Variants in KCNIP4 observed in about 807,000 individuals in gnomAD.
KCNIP4 encodes Kv channel-interacting protein 4.
KCNIP4 carries 12 observed loss-of-function variants against 34.0 expected under a neutral mutation model. That is an observed-to-expected ratio of 0.35 (90% CI 0.23 to 0.57). KCNIP4 has a LOEUF of 0.57. Among genes scored for constraint, KCNIP4 ranks in the 20% least tolerant of loss-of-function variants. The probability of loss-of-function intolerance (pLI) is 0.83; values close to 1 mark genes in which losing one functional copy is unlikely to be tolerated. For synonymous variants in KCNIP4, 124 were observed against 102.2 expected, an observed-to-expected ratio of 1.21 and a Z score of -1.29; for missense variants, 238 against 311.7, an observed-to-expected ratio of 0.76 and a Z score of 1.78.
intron 1 of KCNIP4, among the ~76,000 whole-genome samples, chr4:21,066,147 C>A (rs532575590): frequency 6.6e-6 from 1 of 152,140 alleles, no homozygotes; most frequent in East Asian, 1.9e-4. Flanking sequence ...TCAACAACAC[C>A]GGTGGGAAAT....
intron 1 of KCNIP4, among the ~76,000 whole-genome samples, chr4:21,514,673 C>G (rs1409576335): frequency 6.6e-6 from 1 of 151,822 alleles, no homozygotes; most frequent in Non-Finnish European, 1.5e-5. Flanking sequence ...CGGAAAAATT[C>G]AAAGTAAAAG....
At chr4:21,398,643 AC>A (rs1324498280) in intron 1 of KCNIP4, among the ~76,000 whole-genome samples, 1 of 152,212 alleles carries the variant, frequency 6.6e-6, no homozygotes, top group Non-Finnish European at 1.5e-5. Flanking sequence ...AGTACAAACT[AC>A]CCAGAGTGAA....
At chr4:21,097,577 A>G (rs770215841) in intron 1 of KCNIP4, among the ~76,000 whole-genome samples, 42 of 152,166 alleles carry the variant, frequency 2.8e-4, no homozygotes, top group Non-Finnish European at 4.3e-4. Flanking sequence ...TGTCTTGGTG[A>G]TCTGCGATCA....
chr4:21,239,017 C>T (rs1239169455), intron 1 of KCNIP4, among the ~76,000 whole-genome samples: 1 of 151,890 alleles, frequency 6.6e-6, no homozygotes, highest in Non-Finnish European at 1.5e-5. Flanking sequence ...GTACTGGTAC[C>T]AAAACAGAGA....
At chr4:21,142,687 T>C (rs1036490989) in intron 1 of KCNIP4, among the ~76,000 whole-genome samples, 1 of 152,162 alleles carries the variant, frequency 6.6e-6, no homozygotes, top group Non-Finnish European at 1.5e-5. Flanking sequence ...CTTCACCTTG[T>C]CGTGCTTTCA....
intron 1 of KCNIP4, among the ~76,000 whole-genome samples, chr4:21,029,995 A>T (rs1373103281): frequency 1.3e-5 from 2 of 148,514 alleles, no homozygotes; most frequent in Non-Finnish European, 1.5e-5. Flanking sequence ...GGAGTTATTT[A>T]AAAAAATAGT....
intron 1 of KCNIP4, among the ~76,000 whole-genome samples, chr4:21,780,218 A>G (rs1029907722): frequency 6.6e-6 from 1 of 152,218 alleles, no homozygotes; most frequent in Non-Finnish European, 1.5e-5. Context: ...GGATGTGTGG[A>G]ATCTGATGTT....
chr4:21,942,964 G>A (rs1730289315), intron 1 of KCNIP4, among the ~76,000 whole-genome samples: 1 of 152,018 alleles, frequency 6.6e-6, no homozygotes, highest in Non-Finnish European at 1.5e-5. Context: ...TCATCATGTT[G>A]GCCAGGCTGG....
chr4:21,248,841 G>A lies in KCNIP4; in HGVS notation c.62-366132C>T, dbSNP rs147440072. Among the ~76,000 whole-genome samples the A allele has an allele frequency of 5.3e-5, 8 of 152,212 alleles. No homozygotes were observed. The South Asian group carries it at 8.3e-4, about 16-fold the overall frequency. On this transcript the variant is annotated intron_variant, in intron 1 of 8. Transcript: ENST00000382152. ...AGAAAACTGAGACTCACAGAGGTTA[G>A]TTAAACAACTTTCAAAGTCAAACAC...
chr4:21,738,608 G>A (rs1716178959), intron 1 of KCNIP4, among the ~76,000 whole-genome samples: 1 of 152,182 alleles, frequency 6.6e-6, no homozygotes, highest in African/African-American at 2.4e-5. Context: ...GCTTTTCACA[G>A]TGTCTCTGGT....
At chr4:21,405,784 T>G (rs1723929471) in intron 1 of KCNIP4, among the ~76,000 whole-genome samples, 1 of 152,236 alleles carries the variant, frequency 6.6e-6, no homozygotes, top group Non-Finnish European at 1.5e-5. Context: ...TATCTCATCA[T>G]CAGGGGGTCT....
At chr4:21,919,600 G>GAT (rs1728829522) in intron 1 of KCNIP4, among the ~76,000 whole-genome samples, 1 of 152,092 alleles carries the variant, frequency 6.6e-6, no homozygotes, top group Non-Finnish European at 1.5e-5. Flanking sequence ...CAGCTCCTGG[G>GAT]ATAAATTATG....
chr4:21,025,658 A>ATTCTCC (rs1740498193), intron 1 of KCNIP4, among the ~76,000 whole-genome samples: 1 of 133,868 alleles, frequency 7.5e-6, no homozygotes, highest in Non-Finnish European at 1.5e-5. Flanking sequence ...GGTTCACGCC[A>ATTCTCC]TTCTCCTGCC....
At chr4:21,831,338 A>G (rs1722979056) in intron 1 of KCNIP4, among the ~76,000 whole-genome samples, 1 of 152,068 alleles carries the variant, frequency 6.6e-6, no homozygotes, top group African/African-American at 2.4e-5. Flanking sequence ...CCAGAAAAAT[A>G]ATAGAGAAGA....
intron 3 of KCNIP4, among the ~76,000 whole-genome samples, chr4:20,835,273 T>A (rs1252908733): frequency 6.6e-6 from 1 of 152,120 alleles, no homozygotes. Flanking sequence ...ATCCTCTAAA[T>A]GCTAGAGTCC....
chr4:21,478,152 T>C (rs1731144129), intron 1 of KCNIP4, among the ~76,000 whole-genome samples: 1 of 152,176 alleles, frequency 6.6e-6, no homozygotes, highest in Non-Finnish European at 1.5e-5. Flanking sequence ...TTTGGACTTT[T>C]CCTTTCTTAA....
chr4:20,948,038 C>T (rs184526087), intron 1 of KCNIP4, among the ~76,000 whole-genome samples: 80 of 152,216 alleles, frequency 5.3e-4, no homozygotes, highest in African/African-American at 1.7e-3. Flanking sequence ...GGAAAGCCAA[C>T]GAGGGGATAC....
intron 1 of KCNIP4, among the ~76,000 whole-genome samples, chr4:21,095,083 CT>C (rs1462796679): frequency 6.6e-5 from 10 of 152,238 alleles, no homozygotes; most frequent in Admixed American, 2.6e-4. Context: ...ATTGAAATGG[CT>C]TTAGTTTTTC....
At chr4:20,750,674 G>A (rs1430697586) in intron 4 of KCNIP4, among the ~76,000 whole-genome samples, 1 of 151,872 alleles carries the variant, frequency 6.6e-6, no homozygotes, top group Non-Finnish European at 1.5e-5. Flanking sequence ...TCTGTTCTGA[G>A]TGCCTAGCTT....
Sources: gnomAD v4.1 joint callset for allele counts (sites outside exome capture counted in the v4.1 genomes callset) on GRCh38, gnomAD v4.1.1 for gene constraint, MANE v1.5 for transcripts, NCBI Gene and HGNC (gene_info 2026-07-23, HGNC 2026-07-21) for gene names.